MAP1B: variants seen among roughly 807,000 people sequenced by gnomAD.
MAP1B encodes the protein microtubule associated protein 1B.
In MAP1B, 12 loss-of-function variants were observed where a neutral mutation model predicts 176.1. The ratio of observed to expected loss-of-function variants is 0.07; its 90% CI spans 0.04 to 0.11. The LOEUF (loss-of-function observed/expected upper bound fraction) is 0.11. Ranked by LOEUF, MAP1B falls within the 10% of genes least tolerant of loss-of-function variation. The probability of loss-of-function intolerance (pLI) is 1.00; values close to 1 mark genes in which losing one functional copy is unlikely to be tolerated. For synonymous variants in MAP1B, 1,044 were observed against 1,135.0 expected, an observed-to-expected ratio of 0.92 and a Z score of 1.61; for missense variants, 2,523 against 2,990.5, an observed-to-expected ratio of 0.84 and a Z score of 3.65.
At chr5:72,192,210 G>A (rs1056097101) in intron 4 of MAP1B, among the ~76,000 whole-genome samples, 2 of 152,218 alleles carry the variant, frequency 1.3e-5, no homozygotes, top group African/African-American at 4.8e-5. Flanking sequence ...TATAGTGATT[G>A]TGATGAGAGT....
chr5:72,116,068 T>C, intron 2 of MAP1B: 1 of 353,416 alleles, frequency 2.8e-6, no homozygotes, highest in Non-Finnish European at 5.4e-6. Context: ...ACATCAATGA[T>C]CACACAAATT....
At chr5:72,150,375 C>G (rs1313228187) in intron 2 of MAP1B, among the ~76,000 whole-genome samples, 5 of 152,244 alleles carry the variant, frequency 3.3e-5, no homozygotes, top group Non-Finnish European at 7.3e-5. Flanking sequence ...CGACTGGCTG[C>G]AAGCCGAAAT....
chr5:72,174,316 T>TA (rs896902126), intron 2 of MAP1B, among the ~76,000 whole-genome samples: 1 of 152,048 alleles, frequency 6.6e-6, no homozygotes, highest in South Asian at 2.1e-4. Flanking sequence ...AATATGAAAA[T>TA]AAAAAATTGT....
chr5:72,200,980 AT>A (rs1747322476), intron 5 of MAP1B, among the ~76,000 whole-genome samples: 1 of 152,136 alleles, frequency 6.6e-6, no homozygotes, highest in Non-Finnish European at 1.5e-5. Context: ...TCCGGTGAAA[AT>A]TGAGAGAAAA....
chr5:72,200,485 T>G, intron 5 of MAP1B, 118 bp downstream of exon 5: 1 of 1,280,958 alleles, frequency 7.8e-7, no homozygotes, highest in Non-Finnish European at 1.1e-6. Context: ...AATTGATGCT[T>G]TACCTTCCCT....
intron 1 of MAP1B, among the ~76,000 whole-genome samples, chr5:72,114,460 C>G (rs574908852): frequency 3.8e-4 from 58 of 152,314 alleles, no homozygotes; most frequent in Non-Finnish European, 5.7e-4. Context: ...GGTTCAAGCC[C>G]TTACCTTTAG....
At chr5:72,116,392 A>C (rs1038575331) in intron 2 of MAP1B, 10 of 401,118 alleles carry the variant, frequency 2.5e-5, no homozygotes, top group Middle Eastern at 3.5e-4. Context: ...CTGATATTAC[A>C]AACTTCTGTT....
intron 2 of MAP1B, among the ~76,000 whole-genome samples, chr5:72,117,414 C>CT: frequency 6.6e-6 from 1 of 152,196 alleles, no homozygotes; most frequent in Non-Finnish European, 1.5e-5. Context: ...TGTAAGACTT[C>CT]TTTTTTTGTG....
chr5:72,207,798 T>C lies in MAP1B; in HGVS notation c.*2559T>C, dbSNP rs564368701. ...CTTCTTGCCAAATCCAGACCTCTGGTTGATTTTTCTTTGACAGAAGATGCA... is the reference window on the plus strand; with the variant it reads ...CTTCTTGCCAAATCCAGACCTCTGGCTGATTTTTCTTTGACAGAAGATGCA... On this transcript the variant is annotated 3_prime_UTR_variant, in exon 7 of 7. Coordinates refer to ENST00000296755, the MANE Select transcript of MAP1B (RefSeq NM_005909.5). 1.3e-5 allele frequency: 2 copies of C among 152,326 alleles called. No individual in the cohort carries two copies. Among genetic ancestry groups the C allele is most frequent in the African/African-American group, 4.8e-5 (2 of 41,586 alleles). The allele number at this position is 152,326 out of a possible 1,614,324, so 9.4% of individuals were successfully genotyped here.
Sources: gnomAD v4.1 joint callset for allele counts (sites outside exome capture counted in the v4.1 genomes callset) on GRCh38, gnomAD v4.1.1 for gene constraint, MANE v1.5 for transcripts, NCBI Gene and HGNC (gene_info 2026-07-23, HGNC 2026-07-21) for gene names.